The following CNTN5 variants were observed in gnomAD, a reference collection of about 807,000 sequenced individuals.
CNTN5 encodes contactin 5.
CNTN5 carries 77 observed loss-of-function variants against 129.1 expected under a neutral mutation model. The observed-to-expected ratio is 0.60, with a 90% CI of 0.50 to 0.72. The LOEUF (loss-of-function observed/expected upper bound fraction) is 0.72, where lower values mean the gene tolerates loss of function less well. Ranked by LOEUF, CNTN5 falls within the 30% of genes least tolerant of loss-of-function variation. The pLI is 0.00. For synonymous variants in CNTN5, 509 were observed against 465.6 expected, an observed-to-expected ratio of 1.09 and a Z score of -1.20; for missense variants, 1,478 against 1,328.8, an observed-to-expected ratio of 1.11 and a Z score of -1.75.
chr11:99,360,770 C>T (rs1246546509), intron 2 of CNTN5, among the ~76,000 whole-genome samples: 1 of 152,190 alleles, frequency 6.6e-6, no homozygotes, highest in Non-Finnish European at 1.5e-5. Flanking sequence ...CAAAAGGTTG[C>T]TTGGCCACAC....
chr11:99,993,364 T>G (rs1412753578), intron 8 of CNTN5, among the ~76,000 whole-genome samples: 1 of 152,130 alleles, frequency 6.6e-6, no homozygotes, highest in African/African-American at 2.4e-5. Flanking sequence ...CCTCTTTGAC[T>G]CTCAGTTACC....
At chr11:99,417,482 G>C (rs968365575) in intron 2 of CNTN5, among the ~76,000 whole-genome samples, 1 of 152,108 alleles carries the variant, frequency 6.6e-6, no homozygotes, top group African/African-American at 2.4e-5. Flanking sequence ...GTTTTTGCTA[G>C]AAATGCACAA....
At chr11:99,847,944 G>A (rs1319422526) in intron 6 of CNTN5, among the ~76,000 whole-genome samples, 1 of 152,190 alleles carries the variant, frequency 6.6e-6, no homozygotes. Context: ...TGGGCGCGGT[G>A]GCTCACGCCC....
intron 2 of CNTN5, among the ~76,000 whole-genome samples, chr11:99,523,663 T>TAGAATAGAATAGAATAGAATAA (rs1565258700): frequency 1.7e-4 from 23 of 132,670 alleles, no homozygotes; most frequent in African/African-American, 6.5e-4. Context: ...ACAGAACAGA[T>TAGAATAGAATAGAATAGAATAA]CAGAACAGAA....
At chr11:99,479,058 A>G (rs61894087) in intron 2 of CNTN5, among the ~76,000 whole-genome samples, 23,623 of 152,014 alleles carry the variant, frequency 0.16, 2,131 homozygotes, top group East Asian at 0.4. Flanking sequence ...TGCAAATAGC[A>G]TATATTAAAA....
intron 9 of CNTN5, among the ~76,000 whole-genome samples, chr11:100,046,398 G>A (rs751753421): frequency 7.2e-5 from 11 of 152,238 alleles, no homozygotes; most frequent in Non-Finnish European, 1.0e-4. Context: ...CCTGAAATAT[G>A]TGTTCATAAT....
At chr11:99,841,414 C>G (rs1947485913) in intron 4 of CNTN5, among the ~76,000 whole-genome samples, 1 of 152,110 alleles carries the variant, frequency 6.6e-6, no homozygotes, top group Non-Finnish European at 1.5e-5. Context: ...AATCAACTGT[C>G]TTCTTATACG....
At chr11:99,880,253 C>T (rs552820036) in intron 6 of CNTN5, among the ~76,000 whole-genome samples, 1 of 152,146 alleles carries the variant, frequency 6.6e-6, no homozygotes, top group Non-Finnish European at 1.5e-5. Context: ...TGCTCTGTGT[C>T]CCTCTTTTCC....
chr11:100,087,950 G>C (rs79643382), intron 13 of CNTN5, among the ~76,000 whole-genome samples: 14,010 of 151,614 alleles, frequency 0.092, 809 homozygotes, highest in East Asian at 0.18. Context: ...TTAATACCAA[G>C]AAGACCTCTC....
intron 1 of CNTN5, among the ~76,000 whole-genome samples, chr11:99,309,287 A>C (rs1445035253): frequency 6.6e-6 from 1 of 151,020 alleles, no homozygotes; most frequent in Non-Finnish European, 1.5e-5. Flanking sequence ...ATTCTGAATC[A>C]TGGATCCTTC....
chr11:99,272,431 T>C (rs1863218265), intron 1 of CNTN5, among the ~76,000 whole-genome samples: 1 of 151,796 alleles, frequency 6.6e-6, no homozygotes, highest in Admixed American at 6.6e-5. Flanking sequence ...AAAATTATTT[T>C]AGCCACAGGG....
At chr11:100,011,578 CT>C (rs1336878830) in intron 9 of CNTN5, among the ~76,000 whole-genome samples, 1 of 152,152 alleles carries the variant, frequency 6.6e-6, no homozygotes, top group Non-Finnish European at 1.5e-5. Context: ...GCAAACTCAT[CT>C]GAAATCTTGT....
chr11:99,437,663 A>C (rs1193014778), intron 2 of CNTN5, among the ~76,000 whole-genome samples: 3 of 152,150 alleles, frequency 2.0e-5, no homozygotes, highest in Non-Finnish European at 4.4e-5. Flanking sequence ...CCCCATCGCT[A>C]CTAAAAATAC....
chr11:100,195,891 T>C (rs1340803307), intron 15 of CNTN5, among the ~76,000 whole-genome samples: 1 of 151,878 alleles, frequency 6.6e-6, no homozygotes, highest in Non-Finnish European at 1.5e-5. Context: ...GTAAATTATG[T>C]CTGGAAAATA....
chr11:100,120,904 G>T (rs752550121), intron 13 of CNTN5, among the ~76,000 whole-genome samples: 1 of 151,560 alleles, frequency 6.6e-6, no homozygotes, highest in Non-Finnish European at 1.5e-5. Context: ...TAAGTAATTC[G>T]ATAGACTATC....
At chr11:99,183,854 A>G (rs1026113798) in intron 1 of CNTN5, among the ~76,000 whole-genome samples, 1 of 152,118 alleles carries the variant, frequency 6.6e-6, no homozygotes, top group Non-Finnish European at 1.5e-5. Flanking sequence ...GTTTAACTCA[A>G]TATCTTAACC....
chr11:99,083,602 A>G (rs1865891456), intron 1 of CNTN5, among the ~76,000 whole-genome samples: 1 of 152,210 alleles, frequency 6.6e-6, no homozygotes, highest in Admixed American at 6.5e-5. Flanking sequence ...AAAGAAAAAA[A>G]AAGTATAACT....
chr11:99,787,470 G>A (rs1266773938), intron 3 of CNTN5, among the ~76,000 whole-genome samples: 1 of 149,944 alleles, frequency 6.7e-6, no homozygotes, highest in Non-Finnish European at 1.5e-5. Flanking sequence ...TGTATTTGAG[G>A]TTTTGTCTTC....
rs539377852 is a variant in CNTN5, at chr11:99,755,543, A to AT, written c.56-63994dup. Among the ~76,000 whole-genome samples, 249 of 150,856 alleles carry AT rather than the reference A, an allele frequency of 1.7e-3. 1 individual carries two copies. The highest frequency in any genetic ancestry group is 5.6e-3 in the African/African-American group (228 of 41,074). ...ATCTTTTTTAGTGAATTCTTTTGAG[A>AT]TTTTTTTCTGTTTTTTAATTGGGAT... On this transcript the variant is annotated intron_variant, in intron 3 of 24. Coordinates refer to ENST00000524871, the MANE Select transcript of CNTN5 (RefSeq NM_014361.4).
Sources: allele counts gnomAD v4.1 joint callset (sites outside exome capture counted in the v4.1 genomes callset), GRCh38; gene constraint gnomAD v4.1.1; transcripts MANE v1.5; gene names NCBI Gene and HGNC (gene_info 2026-07-23, HGNC 2026-07-21).